Variants in HDAC4 observed in about 807,000 individuals in gnomAD.
The protein encoded by HDAC4 is histone deacetylase A.
Under a neutral mutation model 135.1 loss-of-function variants are expected in HDAC4, and 16 were observed. The ratio of observed to expected loss-of-function variants is 0.12; its 90% CI spans 0.08 to 0.18. The LOEUF is 0.18. Ranked by LOEUF, HDAC4 falls within the 10% of genes least tolerant of loss-of-function variation. The pLI is 1.00. For synonymous variants in HDAC4, 685 were observed against 653.4 expected (o/e 1.05, Z -0.74); for missense variants, 1,143 against 1,511.8 (o/e 0.76, Z 4.05).
chr2:239,236,494 C>A, intron 3 of HDAC4, 99 bp downstream of exon 3: 5 of 947,690 alleles, frequency 5.3e-6, no homozygotes, highest in Non-Finnish European at 6.7e-6. Context: ...ACACCTCCCC[C>A]CTCGCCCTCT....
chr2:239,378,313 T>C (rs535592993), intron 1 of HDAC4, among the ~76,000 whole-genome samples: 6 of 151,628 alleles, frequency 4.0e-5, no homozygotes, highest in Non-Finnish European at 8.8e-5. Flanking sequence ...TAAAGCAGAG[T>C]CCAGGATGGA....
At chr2:239,238,943 G>A (rs949931923) in intron 2 of HDAC4, among the ~76,000 whole-genome samples, 1 of 152,220 alleles carries the variant, frequency 6.6e-6, no homozygotes, top group Admixed American at 6.5e-5. Context: ...TTTATTGCAT[G>A]CTTGCACTAG....
chr2:239,316,172 G>GCTT (rs2053106453), intron 2 of HDAC4, among the ~76,000 whole-genome samples: 1 of 152,224 alleles, frequency 6.6e-6, no homozygotes, highest in African/African-American at 2.4e-5. Flanking sequence ...CGTGGGAATA[G>GCTT]GCTCGCTCAG....
At chr2:239,204,171 T>C (rs2045914129) in intron 3 of HDAC4, among the ~76,000 whole-genome samples, 1 of 152,212 alleles carries the variant, frequency 6.6e-6, no homozygotes, top group Non-Finnish European at 1.5e-5. Context: ...TCTGTGAACC[T>C]GTGAGCTCCT....
At chr2:239,250,543 C>T (rs2048728938) in intron 2 of HDAC4, among the ~76,000 whole-genome samples, 1 of 152,212 alleles carries the variant, frequency 6.6e-6, no homozygotes, top group African/African-American at 2.4e-5. Flanking sequence ...GGGGCAGACA[C>T]AGTGGGTACA....
At chr2:239,134,099 T>A (rs1460000241) in intron 11 of HDAC4, 146 bp downstream of exon 11, 9 of 699,438 alleles carry the variant, frequency 1.3e-5, no homozygotes, top group Non-Finnish European at 2.3e-5. Context: ...GGTGGCTACA[T>A]CACGTGATGG....
intron 1 of HDAC4, among the ~76,000 whole-genome samples, chr2:239,356,067 T>C (rs150625625): frequency 1.3e-5 from 2 of 152,322 alleles, no homozygotes; most frequent in African/African-American, 4.8e-5. Flanking sequence ...AAAGTTGCAG[T>C]AGACTATTCA....
chr2:239,117,288 C>T (rs2039223675), intron 12 of HDAC4, among the ~76,000 whole-genome samples: 1 of 152,172 alleles, frequency 6.6e-6, no homozygotes, highest in Non-Finnish European at 1.5e-5. Flanking sequence ...GAAGCATGCC[C>T]TGCTGCAGAC....
In HDAC4 at chr2:239,236,833, A is replaced by AAGAAAATCAAAGATCCTT. The variant is rs3842554; in HGVS notation, c.23-170_23-169insAAGGATCTTTGATTTTCT. Among the ~76,000 whole-genome samples the AAGAAAATCAAAGATCCTT allele has an allele frequency of 0.34, 51,608 of 152,066 alleles. 10,489 individuals carry two copies. The highest frequency in any genetic ancestry group is 0.55 in the East Asian group (2,846 of 5,170). On this transcript the variant is annotated intron_variant, in intron 2 of 26. Transcript: ENST00000543185. ...CATCATAGATTATTTGTATTTGCCA[A>AAGAAAATCAAAGATCCTT]TGTAGAATAATCAAAATAGCCTCCT...
chr2:239,126,377 G>A (rs2040187709), intron 12 of HDAC4, 79 bp downstream of exon 12: 1 of 1,607,330 alleles, frequency 6.2e-7, no homozygotes, highest in Non-Finnish European at 8.5e-7. Context: ...TCAGAAAGGG[G>A]CCAGTGCTGA....
chr2:239,159,859 G>A (rs2042680117), intron 6 of HDAC4, among the ~76,000 whole-genome samples: 1 of 152,276 alleles, frequency 6.6e-6, no homozygotes, highest in African/African-American at 2.4e-5. Flanking sequence ...GCTGGGCCAG[G>A]AGCCGAGGTG....
intron 24 of HDAC4, among the ~76,000 whole-genome samples, chr2:239,057,004 G>A (rs951968085): frequency 2.0e-5 from 3 of 152,212 alleles, no homozygotes; most frequent in Admixed American, 6.5e-5. Flanking sequence ...TAAATGTGAC[G>A]TGTGATCCTG....
At chr2:239,109,143 GC>G (rs1431037930) in intron 14 of HDAC4, among the ~76,000 whole-genome samples, 1 of 152,216 alleles carries the variant, frequency 6.6e-6, no homozygotes, top group Non-Finnish European at 1.5e-5. Flanking sequence ...CTGCCCCGAG[GC>G]CCTGCCGGGA....
rs568709306 is a variant in HDAC4 at position 239,111,228 on chromosome 2, A to G, written c.1978+298T>C. ...GCCGGACCAGAAGCTGTAGGTTCTCATGGCCCCACGGGCATGGGCTGTGGA... is the reference window on the plus strand; with the variant it reads ...GCCGGACCAGAAGCTGTAGGTTCTCGTGGCCCCACGGGCATGGGCTGTGGA... On this transcript the variant is annotated intron_variant, in intron 14 of 26. Transcript: ENST00000543185. 2.6e-4 allele frequency among the ~76,000 whole-genome samples: 40 copies of G among 152,366 alleles called. 1 individual carries two copies. Among genetic ancestry groups the G allele is most frequent in the African/African-American group, 9.4e-4 (39 of 41,586 alleles).
In HDAC4 at chr2:239,313,875, G is replaced by C. The variant is rs925812738; in HGVS notation, c.22+38803C>G. ...AGCCTGGAGCCCAGGGCCTGTCCTG[G>C]GGCAGCCACCTGCACTGCCTCTTAC... is the stretch of plus-strand genomic sequence containing the variant. On this transcript the variant is annotated intron_variant, in intron 2 of 26. Transcript: ENST00000543185. This position sits in a 1 kb window ranked among gnomAD's most constrained non-coding sequence, Gnocchi z 5.1. Among the ~76,000 whole-genome samples the C allele has an allele frequency of 6.6e-6, 1 of 152,122 alleles. No homozygotes were observed. Among genetic ancestry groups the C allele is most frequent in the Non-Finnish European group, 1.5e-5 (1 of 68,014 alleles).
rs1417118743 is a variant in HDAC4, at chr2:239,050,632, A to G, written c.*2465T>C. On this transcript the variant is annotated 3_prime_UTR_variant, in exon 27 of 27. Coordinates refer to ENST00000543185, the MANE Select transcript of HDAC4 (RefSeq NM_001378414.1). ...CCAAGAATCTGCACTCATTTGGTCA[A>G]AAGTTTGAGTTAATTTCAGAAGCTA... The G allele has an allele frequency of 1.3e-5, 2 of 152,786 alleles. No individual in the cohort carries two copies. The highest frequency in any genetic ancestry group is 2.1e-4 in the South Asian group (1 of 4,832). 9.5% of individuals were successfully genotyped at this position (152,786 alleles called of 1,614,324 possible). A position where few individuals can be genotyped will look rare whatever the true frequency, so the allele number is the denominator to read the frequency against.
chr2:239,308,522 G>A lies in HDAC4; in HGVS notation c.22+44156C>T, dbSNP rs1051546938. Among the ~76,000 whole-genome samples the A allele has an allele frequency of 7.2e-5, 11 of 152,126 alleles. No individual in the cohort carries two copies. Among genetic ancestry groups the A allele is most frequent in the Admixed American group, 6.5e-5 (1 of 15,268 alleles). On this transcript the variant is annotated intron_variant, in intron 2 of 26. Transcript: ENST00000543185. This position sits in a 1 kb window ranked among gnomAD's most constrained non-coding sequence, Gnocchi z 4.2. ...GGAAAATAACAATAATGAAGATATC[G>A]TTGGTGGAATACATAACCTCCATCC...
intron 2 of HDAC4, among the ~76,000 whole-genome samples, chr2:239,280,793 C>A (rs955849363): frequency 2.0e-5 from 3 of 151,632 alleles, no homozygotes; most frequent in Non-Finnish European, 4.4e-5. Context: ...ACAATGAACA[C>A]ACCACTCTAC....
chr2:239,386,008 G>A (rs1470918727), intron 1 of HDAC4, among the ~76,000 whole-genome samples: 1 of 152,224 alleles, frequency 6.6e-6, no homozygotes, highest in Non-Finnish European at 1.5e-5. Context: ...CCAAGGATGA[G>A]GGAGAAGGAA....
Sources: allele counts gnomAD v4.1 joint callset (sites outside exome capture counted in the v4.1 genomes callset), GRCh38; gene constraint gnomAD v4.1.1; non-coding constraint Gnocchi (gnomAD v3.1); transcripts MANE v1.5; gene names NCBI Gene and HGNC (gene_info 2026-07-23, HGNC 2026-07-21).